NR1H4: variants seen among roughly 807,000 people sequenced by gnomAD.
The protein encoded by NR1H4 is nuclear receptor subfamily 1 group H member 4, also known as bile acid receptor.
In NR1H4, 23 loss-of-function variants were observed where a neutral mutation model predicts 58.5. The ratio of observed to expected loss-of-function variants is 0.39; its 90% CI spans 0.28 to 0.56. The LOEUF is 0.56. NR1H4 is among the 20% of genes least tolerant of loss of function. The pLI, the probability that NR1H4 is intolerant of heterozygous loss-of-function variation, is 0.58. For synonymous variants in NR1H4, 214 were observed against 198.0 expected, an observed-to-expected ratio of 1.08 and a Z score of -0.68; for missense variants, 487 against 576.9, an observed-to-expected ratio of 0.84 and a Z score of 1.60.
intron 4 of NR1H4, among the ~76,000 whole-genome samples, chr12:100,515,011 A>G (rs1954225114): frequency 6.6e-6 from 1 of 151,980 alleles, no homozygotes; most frequent in South Asian, 2.1e-4. Flanking sequence ...GTATCACTAG[A>G]CCATGTGTCA....
At chr12:100,482,129 C>T (rs765268651) in intron 1 of NR1H4, among the ~76,000 whole-genome samples, 2 of 151,920 alleles carry the variant, frequency 1.3e-5, no homozygotes, top group Non-Finnish European at 2.9e-5. Flanking sequence ...AACAAAAACC[C>T]TGAAACAAAA....
chr12:100,551,979 C>T (rs1008488020), intron 9 of NR1H4, among the ~76,000 whole-genome samples: 4 of 152,146 alleles, frequency 2.6e-5, no homozygotes, highest in Admixed American at 6.6e-5. Flanking sequence ...AGTCTGTACA[C>T]GTTCATTACA....
At chr12:100,474,268 G>T (rs1953221506) in intron 1 of NR1H4, among the ~76,000 whole-genome samples, 1 of 152,182 alleles carries the variant, frequency 6.6e-6, no homozygotes. Flanking sequence ...AGTCTTAACA[G>T]TTGCTTACCT....
At chr12:100,501,972 A>G (rs939359382) in intron 3 of NR1H4, among the ~76,000 whole-genome samples, 4 of 152,184 alleles carry the variant, frequency 2.6e-5, no homozygotes, top group Non-Finnish European at 4.4e-5. Context: ...TTGATGTACA[A>G]AAGTTATGCT....
At position 100,485,107 on chromosome 12, in the gene NR1H4, G is replaced by A. The variant is rs147820054; in HGVS notation, c.-189-7396G>A. ...TACAGGTATTATAGAAACTCCCTAT[G>A]TACCTGCCCAGTCACATTCTGCAGC... On this transcript the variant is annotated intron_variant, in intron 1 of 10. Coordinates refer to ENST00000392986, the MANE Select transcript of NR1H4 (RefSeq NM_001206979.2). 1.9e-3 allele frequency among the ~76,000 whole-genome samples: 295 copies of A among 152,258 alleles called. 5 individuals carry two copies. The highest frequency in any genetic ancestry group is 0.016 in the East Asian group (81 of 5,184).
At chr12:100,497,635 C>G (rs890031609) in intron 3 of NR1H4, among the ~76,000 whole-genome samples, 1 of 152,090 alleles carries the variant, frequency 6.6e-6, no homozygotes, top group Non-Finnish European at 1.5e-5. Flanking sequence ...CACAGAGATT[C>G]GTCTCCTTTC....
chr12:100,540,906 G>T, intron 9 of NR1H4, 88 bp downstream of exon 9: 1 of 1,276,128 alleles, frequency 7.8e-7, no homozygotes, highest in African/African-American at 1.5e-5. Flanking sequence ...CCAATCTTAT[G>T]CAATGTTATA....
At chr12:100,557,143 A>G (rs1955347242) in intron 9 of NR1H4, among the ~76,000 whole-genome samples, 1 of 152,140 alleles carries the variant, frequency 6.6e-6, no homozygotes, top group Non-Finnish European at 1.5e-5. Flanking sequence ...TATAAAGGAA[A>G]GAGGTTTATT....
At chr12:100,550,006 A>G (rs1298163620) in intron 9 of NR1H4, among the ~76,000 whole-genome samples, 3 of 152,174 alleles carry the variant, frequency 2.0e-5, no homozygotes, top group South Asian at 4.1e-4. Flanking sequence ...GTTTATGCCT[A>G]TGCAACTCTT....
intron 10 of NR1H4, among the ~76,000 whole-genome samples, chr12:100,562,489 T>A (rs540135987): frequency 5.9e-5 from 9 of 152,274 alleles, no homozygotes; most frequent in African/African-American, 2.2e-4. Flanking sequence ...TTTAACATAA[T>A]AAGGAACTTT....
chr12:100,556,471 G>GAA (rs1261035538), intron 9 of NR1H4, among the ~76,000 whole-genome samples: 1 of 141,080 alleles, frequency 7.1e-6, no homozygotes, highest in African/African-American at 2.6e-5. Context: ...CCGTCTCAAA[G>GAA]AAAAAAAAAA....
At chr12:100,517,544 A>G (rs1450504121) in intron 4 of NR1H4, among the ~76,000 whole-genome samples, 1 of 152,314 alleles carries the variant, frequency 6.6e-6, no homozygotes, top group Non-Finnish European at 1.5e-5. Context: ...GTGGAGATAT[A>G]CCCTGTGGTG....
At chr12:100,487,098 C>A (rs534870162) in intron 1 of NR1H4, among the ~76,000 whole-genome samples, 1 of 152,100 alleles carries the variant, frequency 6.6e-6, no homozygotes, top group African/African-American at 2.4e-5. Context: ...TTTTAAATTA[C>A]TGCTAATCAG....
intron 4 of NR1H4, among the ~76,000 whole-genome samples, chr12:100,527,401 G>T (rs913743213): frequency 2.0e-5 from 3 of 152,002 alleles, no homozygotes; most frequent in East Asian, 3.9e-4. Context: ...GGCATGGTGG[G>T]GTACACCCAT....
chr12:100,493,165 G>C lies in NR1H4; in HGVS notation c.-54-105G>C, dbSNP rs958941509. ...GGCTATAGTAAAATGCATTCAAAGG[G>C]AGCCATTTGTACTTTCGTAAACTAT... On this transcript the variant is annotated intron_variant, in intron 2 of 10. Coordinates refer to ENST00000392986, the MANE Select transcript of NR1H4 (RefSeq NM_001206979.2). The C allele has an allele frequency of 4.7e-6, 3 of 632,708 alleles. No individual in the cohort carries two copies. The African/African-American group carries it at 5.5e-5, about 12-fold the overall frequency. The allele number at this position is 632,708 out of a possible 1,614,324, so 39.2% of individuals were successfully genotyped here. A position where few individuals can be genotyped will look rare whatever the true frequency, so the allele number is the denominator to read the frequency against.
chr12:100,550,572 G>T (rs368103487), intron 9 of NR1H4, among the ~76,000 whole-genome samples: 1 of 151,958 alleles, frequency 6.6e-6, no homozygotes, highest in African/African-American at 2.4e-5. Flanking sequence ...CACCATGTTG[G>T]CCAGGCTGGT....
At chr12:100,534,323 C>G (rs1954765286) in intron 5 of NR1H4, among the ~76,000 whole-genome samples, 1 of 152,184 alleles carries the variant, frequency 6.6e-6, no homozygotes, top group South Asian at 2.1e-4. Context: ...TTAAAATTAA[C>G]AGGATTTTAA....
At chr12:100,485,588 A>G (rs979254518) in intron 1 of NR1H4, among the ~76,000 whole-genome samples, 1 of 151,992 alleles carries the variant, frequency 6.6e-6, no homozygotes, top group African/African-American at 2.4e-5. Flanking sequence ...GCTGGAGTAC[A>G]GTGGTGCGAT....
At chr12:100,520,898 G>C (rs1251777753) in intron 4 of NR1H4, among the ~76,000 whole-genome samples, 1 of 152,186 alleles carries the variant, frequency 6.6e-6, no homozygotes, top group Non-Finnish European at 1.5e-5. Context: ...AGGTGCAGAA[G>C]ATATAAAGCT....
Sources: gnomAD v4.1 joint callset for allele counts (sites outside exome capture counted in the v4.1 genomes callset) on GRCh38, gnomAD v4.1.1 for gene constraint, MANE v1.5 for transcripts, NCBI Gene and HGNC (gene_info 2026-07-23, HGNC 2026-07-21) for gene names.